The following VIT variants were observed in gnomAD, a reference collection of about 807,000 sequenced individuals.
The protein encoded by VIT is vitrin.
A neutral mutation model predicts 78.0 loss-of-function variants in VIT; 99 were observed. The ratio of observed to expected loss-of-function variants is 1.27; its 90% confidence interval spans 1.08 to 1.50. VIT has a LOEUF of 1.50. Among genes scored for constraint, VIT ranks in the 40% most tolerant of loss-of-function variants. VIT has a pLI of 0.00. For synonymous variants in VIT, 374 were observed against 334.3 expected, an observed-to-expected ratio of 1.12 and a Z score of -1.29; for missense variants, 1,126 against 875.3, an observed-to-expected ratio of 1.29 and a Z score of -3.61.
intron 9 of VIT, among the ~76,000 whole-genome samples, chr2:36,779,694 A>G (rs1030698315): frequency 2.6e-5 from 4 of 152,138 alleles, no homozygotes; most frequent in African/African-American, 9.7e-5. Context: ...TTCAGCTCCC[A>G]CTTGTAAGTG....
At chr2:36,701,350 C>T (rs1181629397) in intron 1 of VIT, among the ~76,000 whole-genome samples, 1 of 152,258 alleles carries the variant, frequency 6.6e-6, no homozygotes, top group Non-Finnish European at 1.5e-5. Context: ...GTCTCCAAAA[C>T]CTTTCCTTTA....
At chr2:36,725,528 C>T (rs957142488) in intron 2 of VIT, among the ~76,000 whole-genome samples, 3 of 134,816 alleles carry the variant, frequency 2.2e-5, no homozygotes, top group Non-Finnish European at 3.0e-5. Context: ...GACCTGTGAC[C>T]TCCCAAAGGC....
At chr2:36,807,194 T>G (rs1343263463) in intron 14 of VIT, among the ~76,000 whole-genome samples, 1 of 152,204 alleles carries the variant, frequency 6.6e-6, no homozygotes, top group Non-Finnish European at 1.5e-5. Context: ...GATTTCACAA[T>G]GAAGCCCAAC....
chr2:36,774,754 C>T, intron 8 of VIT: 1 of 985,360 alleles, frequency 1.0e-6, no homozygotes, highest in South Asian at 4.7e-5. Context: ...GACTCCAAGG[C>T]CATCTTAGGC....
At position 36,774,798 on chromosome 2, in the gene VIT, A is replaced by G. The variant is rs1224629980; in HGVS notation, c.737-204A>G. The G allele has an allele frequency of 6.1e-6, 6 of 985,400 alleles. No homozygotes were observed. The East Asian group carries it at 4.5e-4, about 75-fold the overall frequency. The allele number at this position is 985,400 out of a possible 1,614,324, so 61.0% of individuals were successfully genotyped here. A position where few individuals can be genotyped will look rare whatever the true frequency, so the allele number is the denominator to read the frequency against. On this transcript the variant is annotated intron_variant, in intron 8 of 15. Coordinates refer to ENST00000379242, the MANE Select transcript of VIT (RefSeq NM_053276.4). Reference sequence around the variant, plus strand: ...ACTCGTGGGACTCTACAGGAGCCCAATCCATGGAGCACTGTTTCCTCCTGT... The same window carrying G: ...ACTCGTGGGACTCTACAGGAGCCCAGTCCATGGAGCACTGTTTCCTCCTGT...
chr2:36,766,375 AT>A (rs1043903736), intron 6 of VIT, among the ~76,000 whole-genome samples: 3 of 143,844 alleles, frequency 2.1e-5, no homozygotes, highest in Non-Finnish European at 4.7e-5. Flanking sequence ...CAAAAAAAAA[AT>A]TTTAAATTAG....
intron 1 of VIT, among the ~76,000 whole-genome samples, chr2:36,705,844 G>A (rs1453976466): frequency 6.6e-6 from 1 of 152,078 alleles, no homozygotes; most frequent in African/African-American, 2.4e-5. Flanking sequence ...TTGGCCTGTG[G>A]GGCTGAGCAC....
chr2:36,699,231 T>A (rs1478847085), intron 1 of VIT, among the ~76,000 whole-genome samples: 1 of 151,972 alleles, frequency 6.6e-6, no homozygotes, highest in Non-Finnish European at 1.5e-5. Context: ...AATGTCTCCA[T>A]CTCTATTTCA....
intron 1 of VIT, among the ~76,000 whole-genome samples, chr2:36,698,980 A>G (rs867846465): frequency 1.7e-4 from 22 of 133,108 alleles, no homozygotes; most frequent in Middle Eastern, 3.3e-3. Flanking sequence ...AAGAAATGTA[A>G]TCTTTTATTC....
In VIT at chr2:36,809,124, G is replaced by A. The variant is rs1371592430; in HGVS notation, c.1903+139G>A. The A allele has an allele frequency of 5.0e-6, 6 of 1,209,100 alleles. No individual in the cohort carries two copies. In the East Asian group the frequency reaches 1.5e-4, roughly 31 times the overall value. 74.9% of individuals were successfully genotyped at this position (1,209,100 alleles called of 1,614,324 possible). On this transcript the variant is annotated intron_variant, in intron 15 of 15. Transcript: ENST00000379242. ...TAAAAATGTTCAAAGCCGCAGGGAG[G>A]GCATTAGGGGTAGAAACACTGCAAG...
At chr2:36,781,859 G>A (rs1284233079) in intron 10 of VIT, 88 bp downstream of exon 10, 3 of 1,516,216 alleles carry the variant, frequency 2.0e-6, no homozygotes, top group African/African-American at 1.4e-5. Context: ...AGCTGGCATA[G>A]CGGCCGAGCT....
intron 9 of VIT, among the ~76,000 whole-genome samples, chr2:36,775,670 G>C (rs951753521): frequency 7.9e-5 from 12 of 152,218 alleles, no homozygotes; most frequent in Non-Finnish European, 1.5e-4. Flanking sequence ...GATGTTCCTA[G>C]ATGTTCCTTT....
At chr2:36,744,791 C>A (rs1486200089) in intron 4 of VIT, among the ~76,000 whole-genome samples, 2 of 152,100 alleles carry the variant, frequency 1.3e-5, no homozygotes, top group Admixed American at 1.3e-4. Context: ...CTGATAGGTT[C>A]TTTTGCTGTG....
intron 7 of VIT, among the ~76,000 whole-genome samples, chr2:36,773,259 T>C (rs761854988): frequency 6.6e-6 from 1 of 152,150 alleles, no homozygotes; most frequent in South Asian, 2.1e-4. Flanking sequence ...ACTTTGATAG[T>C]TGTGAAATAC....
At chr2:36,731,975 C>T (rs1667238627) in intron 3 of VIT, among the ~76,000 whole-genome samples, 1 of 152,126 alleles carries the variant, frequency 6.6e-6, no homozygotes, top group African/African-American at 2.4e-5. Flanking sequence ...TGAAATGAGA[C>T]CAAAAGGGCA....
At chr2:36,725,608 G>C (rs926631992) in intron 2 of VIT, among the ~76,000 whole-genome samples, 3 of 100,648 alleles carry the variant, frequency 3.0e-5, no homozygotes, top group Non-Finnish European at 5.6e-5. Flanking sequence ...GGGGTGGGGG[G>C]GGGGTGGGTA....
chr2:36,734,074 C>G (rs559620872), intron 3 of VIT, among the ~76,000 whole-genome samples: 1 of 152,146 alleles, frequency 6.6e-6, no homozygotes, highest in African/African-American at 2.4e-5. Flanking sequence ...CGGGACCTTT[C>G]GTCTCACCCA....
chr2:36,781,913 G>A lies in VIT; in HGVS notation c.847+142G>A, dbSNP rs946200904. 7 of 1,040,832 alleles carry A rather than the reference G, an allele frequency of 6.7e-6. No homozygotes were observed. In the Admixed American group the frequency reaches 9.0e-5, roughly 13 times the overall value. 64.5% of individuals were successfully genotyped at this position (1,040,832 alleles called of 1,614,324 possible). On this transcript the variant is annotated intron_variant, in intron 10 of 15. Transcript: ENST00000379242. The stretch of plus-strand genomic sequence containing the variant: ...TAATGGCTCCCGCCTCTGATTTAAG[G>A]GTCCTACAAAGGGCACATTGAAACT...
At chr2:36,725,793 C>G (rs1032667328) in intron 2 of VIT, among the ~76,000 whole-genome samples, 1 of 152,116 alleles carries the variant, frequency 6.6e-6, no homozygotes, top group Admixed American at 6.6e-5. Flanking sequence ...ACACACCCGC[C>G]GGGCACAGTG....
Sources: gnomAD v4.1 joint callset for allele counts (sites outside exome capture counted in the v4.1 genomes callset) on GRCh38, gnomAD v4.1.1 for gene constraint, MANE v1.5 for transcripts, NCBI Gene and HGNC (gene_info 2026-07-23, HGNC 2026-07-21) for gene names.